Variants in FSTL5 observed in about 807,000 individuals in gnomAD.
The protein encoded by FSTL5 is follistatin like 5.
Under a neutral mutation model 89.1 loss-of-function variants are expected in FSTL5, and 62 were observed. The ratio of observed to expected loss-of-function variants is 0.70; its 90% confidence interval spans 0.57 to 0.86. The LOEUF is 0.86. Among genes scored for constraint, FSTL5 ranks in the 40% least tolerant of loss-of-function variants. The probability of loss-of-function intolerance (pLI) is 0.00; values close to 1 mark genes in which losing one functional copy is unlikely to be tolerated. For synonymous variants in FSTL5, 383 were observed against 346.2 expected (o/e 1.11, Z -1.18); for missense variants, 1,057 against 1,001.6 (o/e 1.06, Z -0.75).
chr4:161,891,753 CATT>C (rs1446403573), intron 4 of FSTL5, among the ~76,000 whole-genome samples: 1 of 152,020 alleles, frequency 6.6e-6, no homozygotes, highest in African/African-American at 2.4e-5. Context: ...CTTGGAATCT[CATT>C]ATGTCCAAAT....
intron 3 of FSTL5, among the ~76,000 whole-genome samples, chr4:161,935,675 T>C (rs1245501343): frequency 6.6e-6 from 1 of 152,152 alleles, no homozygotes; most frequent in Non-Finnish European, 1.5e-5. Context: ...CCTTTGCACA[T>C]GTCTCCATTG....
chr4:162,079,482 T>C (rs17460136), intron 2 of FSTL5, among the ~76,000 whole-genome samples: 14,677 of 151,654 alleles, frequency 0.097, 802 homozygotes, highest in Non-Finnish European at 0.12. Context: ...GTTTCTATTA[T>C]AGACTTTTCT....
intron 15 of FSTL5, among the ~76,000 whole-genome samples, chr4:161,422,451 A>G (rs527353468): frequency 4.6e-5 from 7 of 152,328 alleles, no homozygotes; most frequent in Non-Finnish European, 7.3e-5. Context: ...GAATCTTTTT[A>G]AAAGTCCAGA....
chr4:161,707,162 A>G (rs1738611254), intron 6 of FSTL5, among the ~76,000 whole-genome samples: 1 of 151,922 alleles, frequency 6.6e-6, no homozygotes, highest in South Asian at 2.1e-4. Context: ...TAGAAATACA[A>G]ATTGTTTATA....
chr4:161,885,438 TA>T (rs1732777895), intron 4 of FSTL5, among the ~76,000 whole-genome samples: 2 of 152,098 alleles, frequency 1.3e-5, no homozygotes, highest in South Asian at 4.1e-4. Flanking sequence ...ACCATATCCA[TA>T]TTTTTAAAAT....
At chr4:162,129,027 C>A (rs1038618168) in intron 1 of FSTL5, among the ~76,000 whole-genome samples, 1 of 151,356 alleles carries the variant, frequency 6.6e-6, no homozygotes, top group African/African-American at 2.4e-5. Flanking sequence ...CGGGTTCAAG[C>A]GATTCTCCTG....
chr4:162,023,955 A>G (rs1331366935), intron 3 of FSTL5, among the ~76,000 whole-genome samples: 1 of 152,158 alleles, frequency 6.6e-6, no homozygotes, highest in African/African-American at 2.4e-5. Flanking sequence ...CCCTGCTTGC[A>G]TAAATCTGAT....
At chr4:162,110,181 A>G (rs1731380624) in intron 2 of FSTL5, among the ~76,000 whole-genome samples, 1 of 152,016 alleles carries the variant, frequency 6.6e-6, no homozygotes, top group Admixed American at 6.6e-5. Context: ...TCTATCCTTC[A>G]TATTATCCCA....
chr4:161,799,308 T>A (rs1729727136), intron 4 of FSTL5, among the ~76,000 whole-genome samples: 1 of 151,664 alleles, frequency 6.6e-6, no homozygotes, highest in Non-Finnish European at 1.5e-5. Flanking sequence ...ACCACGGTAG[T>A]GATGAGTGAG....
intron 4 of FSTL5, among the ~76,000 whole-genome samples, chr4:161,849,973 A>T (rs1471674203): frequency 2.6e-5 from 4 of 152,204 alleles, no homozygotes; most frequent in Non-Finnish European, 5.9e-5. Context: ...GTCTTAACAA[A>T]TAAGTACTTT....
chr4:162,135,887 T>C (rs1732501774), intron 1 of FSTL5, among the ~76,000 whole-genome samples: 1 of 152,140 alleles, frequency 6.6e-6, no homozygotes, highest in Admixed American at 6.5e-5. Context: ...AAAATCTCTT[T>C]CATTTTTCTT....
chr4:161,943,598 C>T (rs1318896886), intron 3 of FSTL5, among the ~76,000 whole-genome samples: 2 of 109,144 alleles, frequency 1.8e-5, no homozygotes, highest in African/African-American at 3.6e-5. Flanking sequence ...TGCTGTCGCT[C>T]AGGCTGGAGT....
intron 1 of FSTL5, among the ~76,000 whole-genome samples, chr4:162,154,688 T>C (rs12500508): frequency 0.23 from 35,361 of 152,034 alleles, 4,305 homozygotes; most frequent in Non-Finnish European, 0.26. Flanking sequence ...AATCCATCAT[T>C]ATAAATCTAT....
intron 4 of FSTL5, among the ~76,000 whole-genome samples, chr4:161,918,680 T>C (rs1733905520): frequency 6.6e-6 from 1 of 152,058 alleles, no homozygotes; most frequent in Non-Finnish European, 1.5e-5. Context: ...GGTCTCGCTC[T>C]GTTGCCTAGG....
At chr4:161,424,442 A>G (rs1437597760) in intron 15 of FSTL5, among the ~76,000 whole-genome samples, 1 of 151,500 alleles carries the variant, frequency 6.6e-6, no homozygotes, top group Non-Finnish European at 1.5e-5. Context: ...TTTGAGGAAC[A>G]GGAAAAGAAT....
At chr4:161,782,300 T>C (rs1741702494) in intron 4 of FSTL5, among the ~76,000 whole-genome samples, 1 of 152,182 alleles carries the variant, frequency 6.6e-6, no homozygotes, top group Non-Finnish European at 1.5e-5. Flanking sequence ...ATATATTTAG[T>C]TTTGTAAGAA....
intron 4 of FSTL5, among the ~76,000 whole-genome samples, chr4:161,857,474 C>T (rs1477705039): frequency 6.6e-6 from 1 of 152,114 alleles, no homozygotes; most frequent in Non-Finnish European, 1.5e-5. Context: ...TTATACTTAT[C>T]TGGCTGGAAT....
intron 6 of FSTL5, among the ~76,000 whole-genome samples, chr4:161,702,014 T>C (rs1275366025): frequency 6.6e-6 from 1 of 152,128 alleles, no homozygotes; most frequent in Non-Finnish European, 1.5e-5. Context: ...ATGTACTTAT[T>C]TAGTACACAT....
At chr4:162,037,948 A>C (rs999572196) in intron 2 of FSTL5, among the ~76,000 whole-genome samples, 2 of 151,956 alleles carry the variant, frequency 1.3e-5, no homozygotes, top group Non-Finnish European at 2.9e-5. Context: ...CATGTTCAAA[A>C]TATTTACTTT....
Sources: gnomAD v4.1 joint callset for allele counts (sites outside exome capture counted in the v4.1 genomes callset) on GRCh38, gnomAD v4.1.1 for gene constraint, MANE v1.5 for transcripts, NCBI Gene and HGNC (gene_info 2026-07-23, HGNC 2026-07-21) for gene names.